Variants in UQCC1 observed in about 807,000 individuals in gnomAD.
UQCC1 encodes the protein ubiquinol-cytochrome c reductase complex assembly factor 1, also known as bFGF-repressed Zic-binding protein.
In UQCC1, 38 loss-of-function variants were observed where a neutral mutation model predicts 48.0. The ratio of observed to expected loss-of-function variants is 0.79; its 90% CI spans 0.61 to 1.04. UQCC1 has a LOEUF of 1.04. UQCC1 is among the 50% of genes least tolerant of loss of function. The pLI, the probability that UQCC1 is intolerant of heterozygous loss-of-function variation, is 0.00. For missense variants in UQCC1, 368 were observed against 381.8 expected (o/e 0.96, Z 0.30); for synonymous variants, 111 against 129.2 (o/e 0.86, Z 0.95).
chr20:35,367,336 C>T (rs1302005020), intron 5 of UQCC1, among the ~76,000 whole-genome samples: 1 of 152,080 alleles, frequency 6.6e-6, no homozygotes, highest in Non-Finnish European at 1.5e-5. Flanking sequence ...GCTAGGCAAA[C>T]ACTCCCTTAC....
intron 2 of UQCC1, chr20:35,384,637 G>C (rs1327389317): frequency 2.4e-6 from 1 of 421,970 alleles, no homozygotes; most frequent in Non-Finnish European, 4.6e-6. Context: ...GCAAGAGCAA[G>C]ACCCTGTCTG....
chr20:35,365,655 T>TAAAAAAAAAAAAA (rs34840052), intron 6 of UQCC1, among the ~76,000 whole-genome samples: 1 of 119,068 alleles, frequency 8.4e-6, no homozygotes. Flanking sequence ...AGACTATGTC[T>TAAAAAAAAAAAAA]AAAAAAAAAA....
chr20:35,397,803 G>A (rs1213561460), intron 1 of UQCC1, among the ~76,000 whole-genome samples: 1 of 152,078 alleles, frequency 6.6e-6, no homozygotes, highest in Non-Finnish European at 1.5e-5. Context: ...GGGATACTTG[G>A]GGACAATTGT....
chr20:35,335,398 A>G (rs1339848255), intron 7 of UQCC1, among the ~76,000 whole-genome samples: 2 of 152,194 alleles, frequency 1.3e-5, no homozygotes, highest in Non-Finnish European at 2.9e-5. Flanking sequence ...AAAACATGGT[A>G]TATCTACACA....
chr20:35,355,884 CTT>C (rs35947113), intron 6 of UQCC1, among the ~76,000 whole-genome samples: 58 of 140,184 alleles, frequency 4.1e-4, no homozygotes, highest in Admixed American at 7.1e-4. Context: ...CACATACTAT[CTT>C]TTTTTTTTTT....
At chr20:35,381,799 C>T in intron 4 of UQCC1, 119 bp downstream of exon 4, 1 of 691,862 alleles carries the variant, frequency 1.4e-6, no homozygotes, top group Non-Finnish European at 2.5e-6. Flanking sequence ...CTAGATCGTC[C>T]TCACATCCAA....
chr20:35,359,663 A>G (rs2061584512), intron 6 of UQCC1, among the ~76,000 whole-genome samples: 2 of 152,176 alleles, frequency 1.3e-5, no homozygotes, highest in African/African-American at 4.8e-5. Context: ...GAATTAATAA[A>G]GACTAGCAGG....
chr20:35,330,169 G>C (rs1013508292), intron 7 of UQCC1, among the ~76,000 whole-genome samples: 17 of 152,210 alleles, frequency 1.1e-4, no homozygotes, highest in Admixed American at 1.1e-3. Context: ...GCTTTTCCCA[G>C]CAACACAAAA....
chr20:35,321,252 CTGTGTGTGTG>C (rs58532328), intron 7 of UQCC1, among the ~76,000 whole-genome samples: 7,923 of 147,286 alleles, frequency 0.054, 338 homozygotes, highest in South Asian at 0.21. Flanking sequence ...ACAAACAAAA[CTGTGTGTGTG>C]TGTGTGTGTG....
intron 1 of UQCC1, among the ~76,000 whole-genome samples, chr20:35,399,330 C>T (rs2062126196): frequency 6.6e-6 from 1 of 152,158 alleles, no homozygotes; most frequent in East Asian, 1.9e-4. Context: ...GCAGTGGTTT[C>T]CAAGGACCTC....
intron 8 of UQCC1, among the ~76,000 whole-genome samples, chr20:35,310,715 T>G (rs2060981960): frequency 8.1e-6 from 1 of 123,100 alleles, no homozygotes; most frequent in African/African-American, 3.3e-5. Flanking sequence ...TTTTTTGAGA[T>G]GGAGTCTCGC....
chr20:35,331,712 C>T (rs1473636105), intron 7 of UQCC1, among the ~76,000 whole-genome samples: 1 of 152,194 alleles, frequency 6.6e-6, no homozygotes, highest in African/African-American at 2.4e-5. Context: ...TGAGTGCCTG[C>T]TATGTGCCTT....
intron 7 of UQCC1, among the ~76,000 whole-genome samples, chr20:35,338,735 C>T: frequency 6.7e-6 from 1 of 150,094 alleles, no homozygotes; most frequent in African/African-American, 2.5e-5. Flanking sequence ...GTCCCAGCTA[C>T]TTGGGAGGCT....
intron 4 of UQCC1, among the ~76,000 whole-genome samples, chr20:35,375,281 A>ATT (rs2061783134): frequency 6.6e-6 from 1 of 152,148 alleles, no homozygotes; most frequent in African/African-American, 2.4e-5. Context: ...AAAACTATAT[A>ATT]ATGTTCATGT....
chr20:35,384,647 G>GA, intron 2 of UQCC1: 2 of 311,186 alleles, frequency 6.4e-6, no homozygotes, highest in Admixed American at 8.5e-5. Flanking sequence ...GACCCTGTCT[G>GA]TAAAAAAAAA....
At chr20:35,407,089 C>T (rs2062262699) in intron 1 of UQCC1, among the ~76,000 whole-genome samples, 1 of 152,144 alleles carries the variant, frequency 6.6e-6, no homozygotes, top group Non-Finnish European at 1.5e-5. Flanking sequence ...GGAATGGCTT[C>T]ATGACATTGG....
chr20:35,352,915 GCTCAAGTGATCTACCTTGGC>G (rs1422391729), intron 6 of UQCC1, among the ~76,000 whole-genome samples: 1 of 151,940 alleles, frequency 6.6e-6, no homozygotes, highest in Non-Finnish European at 1.5e-5. Flanking sequence ...GAATTCCTGG[GCTCAAGTGATCTACCTTGGC>G]CTCCCAAAGT....
At chr20:35,386,395 G>A (rs1256285881) in intron 2 of UQCC1, 16 of 436,368 alleles carry the variant, frequency 3.7e-5, no homozygotes, top group Non-Finnish European at 6.8e-5. Flanking sequence ...TAACCCTAAC[G>A]AAGAAAAAAT....
intron 7 of UQCC1, among the ~76,000 whole-genome samples, chr20:35,330,036 GAGTTCACTC>G (rs2061239639): frequency 6.6e-6 from 1 of 152,216 alleles, no homozygotes; most frequent in Non-Finnish European, 1.5e-5. Context: ...TAGACTCTGT[GAGTTCACTC>G]ACTCATTCAC....
Sources: gnomAD v4.1 joint callset for allele counts (sites outside exome capture counted in the v4.1 genomes callset) on GRCh38, gnomAD v4.1.1 for gene constraint, MANE v1.5 for transcripts, NCBI Gene and HGNC (gene_info 2026-07-23, HGNC 2026-07-21) for gene names.